FMN1: variants seen among roughly 807,000 people sequenced by gnomAD.
FMN1 encodes the protein formin 1.
In FMN1, 110 loss-of-function variants were observed where a neutral mutation model predicts 132.4. The observed-to-expected ratio is 0.83, with a 90% CI of 0.71 to 0.97. The LOEUF (loss-of-function observed/expected upper bound fraction) is 0.97. Among genes scored for constraint, FMN1 ranks in the 50% least tolerant of loss-of-function variants. The pLI, the probability that FMN1 is intolerant of heterozygous loss-of-function variation, is 0.00. For missense variants in FMN1, 1,792 were observed against 1,705.3 expected (o/e 1.05, Z -0.90); for synonymous variants, 722 against 651.7 (o/e 1.11, Z -1.64).
At chr15:33,056,551 A>G (rs2037224676) in intron 6 of FMN1, among the ~76,000 whole-genome samples, 1 of 152,208 alleles carries the variant, frequency 6.6e-6, no homozygotes, top group African/African-American at 2.4e-5. Context: ...GACTGCCACA[A>G]GAGTAGGCTA....
intron 18 of FMN1, among the ~76,000 whole-genome samples, chr15:32,799,520 G>A (rs111433562): frequency 3.4e-3 from 525 of 152,292 alleles, no homozygotes; most frequent in Non-Finnish European, 5.7e-3. Context: ...ATGATCTTCA[G>A]GAGGGCTACC....
At chr15:32,777,219 T>TATA (rs2056447560) in intron 19 of FMN1, among the ~76,000 whole-genome samples, 1 of 152,082 alleles carries the variant, frequency 6.6e-6, no homozygotes. Context: ...GAGCATTATT[T>TATA]ACTTCAGTGT....
intron 17 of FMN1, among the ~76,000 whole-genome samples, chr15:32,812,949 T>TG (rs1316211387): frequency 6.6e-6 from 1 of 151,678 alleles, no homozygotes; most frequent in African/African-American, 2.4e-5. Flanking sequence ...CCTCTGTATC[T>TG]GTGGGTTATG....
chr15:32,851,869 G>A (rs557674951), intron 17 of FMN1, among the ~76,000 whole-genome samples: 12 of 152,276 alleles, frequency 7.9e-5, no homozygotes, highest in South Asian at 2.1e-4. Context: ...CACAACGCAC[G>A]TGACTTCTCA....
At chr15:32,979,691 T>C (rs1272779021) in intron 7 of FMN1, among the ~76,000 whole-genome samples, 2 of 152,114 alleles carry the variant, frequency 1.3e-5, no homozygotes, top group African/African-American at 2.4e-5. Flanking sequence ...ACAGTGCTAT[T>C]ATTTTTACTA....
intron 7 of FMN1, among the ~76,000 whole-genome samples, chr15:32,978,197 G>T (rs2032367726): frequency 6.6e-6 from 1 of 152,186 alleles, no homozygotes; most frequent in African/African-American, 2.4e-5. Context: ...CAAGTTTTAA[G>T]GAATACACCT....
chr15:32,942,388 G>C (rs1237318791), intron 9 of FMN1, among the ~76,000 whole-genome samples: 2 of 152,192 alleles, frequency 1.3e-5, no homozygotes, highest in Non-Finnish European at 2.9e-5. Context: ...ATTCTTGTCA[G>C]GTCCAGTGGG....
At chr15:32,875,193 A>C (rs2059609622) in intron 16 of FMN1, among the ~76,000 whole-genome samples, 1 of 152,186 alleles carries the variant, frequency 6.6e-6, no homozygotes, top group South Asian at 2.1e-4. Context: ...TACCCTATGA[A>C]AGTTTTCCTG....
chr15:33,033,236 T>C (rs554652018), intron 6 of FMN1, among the ~76,000 whole-genome samples: 2 of 152,266 alleles, frequency 1.3e-5, no homozygotes, highest in Admixed American at 6.5e-5. Flanking sequence ...TTCACCGTGT[T>C]AGCCAGGATA....
At chr15:32,836,142 T>G (rs1329920628) in intron 17 of FMN1, among the ~76,000 whole-genome samples, 3 of 152,150 alleles carry the variant, frequency 2.0e-5, no homozygotes, top group African/African-American at 7.2e-5. Flanking sequence ...ATTACAGGTG[T>G]GAGCGACTGC....
intron 10 of FMN1, among the ~76,000 whole-genome samples, chr15:32,916,097 G>A (rs958261739): frequency 7.2e-5 from 11 of 152,142 alleles, no homozygotes; most frequent in African/African-American, 1.9e-4. Context: ...TATAATAACC[G>A]TCAGCAGGGA....
intron 9 of FMN1, among the ~76,000 whole-genome samples, chr15:32,953,235 G>T (rs1283913377): frequency 6.6e-6 from 1 of 152,174 alleles, no homozygotes; most frequent in Non-Finnish European, 1.5e-5. Context: ...ACTTCTGGCA[G>T]GGGCCTCGCT....
chr15:32,923,735 A>C (rs1016170327), intron 10 of FMN1, among the ~76,000 whole-genome samples: 1 of 152,246 alleles, frequency 6.6e-6, no homozygotes, highest in African/African-American at 2.4e-5. Flanking sequence ...CTAGAATGCC[A>C]TGGGAAAGTT....
chr15:32,796,566 A>G (rs1239995172), intron 19 of FMN1, among the ~76,000 whole-genome samples: 1 of 152,218 alleles, frequency 6.6e-6, no homozygotes, highest in African/African-American at 2.4e-5. Context: ...ATAATATCAA[A>G]TATCATTAAA....
intron 16 of FMN1, among the ~76,000 whole-genome samples, chr15:32,875,506 A>G (rs1199085365): frequency 6.6e-6 from 1 of 152,234 alleles, no homozygotes; most frequent in Non-Finnish European, 1.5e-5. Flanking sequence ...GACTGGAACC[A>G]GGGCTGTCAA....
At chr15:33,112,694 G>C (rs1352958401) in intron 4 of FMN1, among the ~76,000 whole-genome samples, 1 of 152,096 alleles carries the variant, frequency 6.6e-6, no homozygotes, top group Non-Finnish European at 1.5e-5. Flanking sequence ...ACCACTACTT[G>C]TTGAGTACGT....
chr15:32,784,906 G>C (rs2056801321), intron 19 of FMN1, among the ~76,000 whole-genome samples: 1 of 151,978 alleles, frequency 6.6e-6, no homozygotes, highest in African/African-American at 2.4e-5. Context: ...ATGTCTATTT[G>C]CCTCCTTTGC....
intron 9 of FMN1, among the ~76,000 whole-genome samples, chr15:32,936,060 T>C (rs1386516244): frequency 3.3e-5 from 5 of 152,244 alleles, no homozygotes; most frequent in Non-Finnish European, 7.3e-5. Context: ...GGTTATTGTA[T>C]TCTTTAGCCC....
At chr15:33,082,020 G>GGTGTGTGTGTGTGTGT (rs57369569) in intron 5 of FMN1, among the ~76,000 whole-genome samples, 8 of 117,762 alleles carry the variant, frequency 6.8e-5, no homozygotes, top group African/African-American at 2.7e-4. Flanking sequence ...AGAGTTCAGG[G>GGTGTGTGTGTGTGTGT]GTGTGTGTGT....
Sources: gnomAD v4.1 joint callset for allele counts (sites outside exome capture counted in the v4.1 genomes callset) on GRCh38, gnomAD v4.1.1 for gene constraint, MANE v1.5 for transcripts, NCBI Gene and HGNC (gene_info 2026-07-23, HGNC 2026-07-21) for gene names.